Variants in COL11A1 observed in about 807,000 individuals in gnomAD.
COL11A1 encodes collagen alpha-1(XI) chain.
A neutral mutation model predicts 265.2 loss-of-function variants in COL11A1; 74 were observed. The observed-to-expected ratio is 0.28, with a 90% CI of 0.23 to 0.34. The LOEUF is 0.34. COL11A1 is among the 10% of genes least tolerant of loss of function. The probability of loss-of-function intolerance (pLI) is 1.00; values close to 1 mark genes in which losing one functional copy is unlikely to be tolerated. For synonymous variants in COL11A1, 816 were observed against 727.6 expected, an observed-to-expected ratio of 1.12 and a Z score of -1.96; for missense variants, 2,165 against 2,263.6, an observed-to-expected ratio of 0.96 and a Z score of 0.88.
At chr1:102,977,207 C>T (rs766458621) in intron 35 of COL11A1, among the ~76,000 whole-genome samples, 49 of 151,954 alleles carry the variant, frequency 3.2e-4, no homozygotes, top group Middle Eastern at 3.2e-3. Flanking sequence ...GTGCTCAAGA[C>T]GTGAACTAAA....
chr1:102,987,505 T>C (rs1663693307), intron 30 of COL11A1, 128 bp downstream of exon 30: 1 of 777,842 alleles, frequency 1.3e-6, no homozygotes, highest in Non-Finnish European at 2.2e-6. Context: ...AAATTTAAAA[T>C]GATAATGAAA....
intron 37 of COL11A1, among the ~76,000 whole-genome samples, chr1:102,968,170 C>A (rs372820683): frequency 6.6e-6 from 1 of 152,222 alleles, no homozygotes; most frequent in East Asian, 1.9e-4. Context: ...TAAGACTACA[C>A]TTGCCACTTA....
chr1:102,986,087 T>C (rs917419280), intron 30 of COL11A1, among the ~76,000 whole-genome samples: 7 of 152,040 alleles, frequency 4.6e-5, no homozygotes, highest in Non-Finnish European at 7.4e-5. Context: ...GATAGAACGG[T>C]GGGGGCTTCT....
chr1:102,952,773 C>T (rs1001514459), intron 41 of COL11A1, among the ~76,000 whole-genome samples: 8 of 152,118 alleles, frequency 5.3e-5, no homozygotes, highest in Non-Finnish European at 1.0e-4. Context: ...ATGGTACCTA[C>T]CCATTAAGCA....
chr1:102,958,024 A>T (rs1296028289), intron 41 of COL11A1, among the ~76,000 whole-genome samples: 1 of 152,110 alleles, frequency 6.6e-6, no homozygotes, highest in African/African-American at 2.4e-5. Context: ...TCCTTAATAC[A>T]AATAACCACT....
Position 102,968,623 on chromosome 1 carries a change from C to A in COL11A1, c.2862+1596G>T, listed in dbSNP as rs370211472. Among the ~76,000 whole-genome samples, 45 of 152,204 alleles carry A rather than the reference C, an allele frequency of 3.0e-4. 2 individuals carry two copies. The South Asian group carries it at 9.3e-3, about 32-fold the overall frequency. On this transcript the variant is annotated intron_variant, in intron 37 of 66. Transcript: ENST00000370096. ...GATTGTGACTCCTGTACAAGGTGAT[C>A]CTTTGAATCTGGGTCAGCAGAGAAC...
intron 1 of COL11A1, among the ~76,000 whole-genome samples, chr1:103,104,453 A>AT (rs34562500): frequency 0.035 from 5,378 of 152,144 alleles, 122 homozygotes; most frequent in Middle Eastern, 0.088. Flanking sequence ...AAAAATATTA[A>AT]TTTTTTACCA....
chr1:102,942,829 C>T (rs1324416712), intron 42 of COL11A1, among the ~76,000 whole-genome samples: 1 of 152,040 alleles, frequency 6.6e-6, no homozygotes, highest in African/African-American at 2.4e-5. Flanking sequence ...ATTCTGAACA[C>T]TTCTCACAAC....
At chr1:103,047,693 A>G (rs1172396585) in intron 4 of COL11A1, among the ~76,000 whole-genome samples, 1 of 152,014 alleles carries the variant, frequency 6.6e-6, no homozygotes, top group Non-Finnish European at 1.5e-5. Context: ...GTTTTCAAAG[A>G]GAATGCTTCC....
rs1020551549 is a variant in COL11A1, at chr1:103,003,411, A to G, written c.1945-143T>C. On this transcript the variant is annotated intron_variant, in intron 20 of 66. Coordinates refer to ENST00000370096, the MANE Select transcript of COL11A1 (RefSeq NM_001854.4). ...TATTAACACACTGAAAGTGATGTCC[A>G]TAACATAAATATCTAGTGTTTATAC... 1.0e-5 allele frequency: 9 copies of G among 870,402 alleles called. No individual in the cohort carries two copies. The East Asian group carries it at 1.1e-4, about 10-fold the overall frequency. The allele number at this position is 870,402 out of a possible 1,614,324, so 53.9% of individuals were successfully genotyped here.
chr1:103,101,560 C>G (rs958986758), intron 1 of COL11A1, among the ~76,000 whole-genome samples: 30 of 151,980 alleles, frequency 2.0e-4, no homozygotes, highest in East Asian at 1.9e-4. Context: ...CTACCTCACA[C>G]AGTCTAAGGT....
intron 26 of COL11A1, among the ~76,000 whole-genome samples, chr1:102,996,533 T>G (rs1449463903): frequency 6.6e-6 from 1 of 151,824 alleles, no homozygotes; most frequent in East Asian, 1.9e-4. Context: ...GATAAAATGT[T>G]CTATCAATCA....
intron 31 of COL11A1, among the ~76,000 whole-genome samples, chr1:102,983,937 C>T (rs1035140998): frequency 6.6e-6 from 1 of 152,062 alleles, no homozygotes; most frequent in Non-Finnish European, 1.5e-5. Context: ...ATTCCTTCTC[C>T]TAAAATACTG....
chr1:103,066,693 C>T (rs1051570507), intron 4 of COL11A1, among the ~76,000 whole-genome samples: 5 of 151,740 alleles, frequency 3.3e-5, no homozygotes, highest in East Asian at 1.9e-4. Flanking sequence ...TTTAGCATAA[C>T]ATTTAATGTA....
intron 9 of COL11A1, among the ~76,000 whole-genome samples, chr1:103,019,151 A>G (rs1666793738): frequency 6.6e-6 from 1 of 152,184 alleles, no homozygotes; most frequent in South Asian, 2.1e-4. Flanking sequence ...GAGTACAGAC[A>G]AAACAATCTA....
At chr1:102,994,540 A>G (rs1301001033) in intron 28 of COL11A1, among the ~76,000 whole-genome samples, 1 of 152,124 alleles carries the variant, frequency 6.6e-6, no homozygotes, top group East Asian at 1.9e-4. Flanking sequence ...CAGCCTGCAC[A>G]ACCATAAGCC....
intron 41 of COL11A1, among the ~76,000 whole-genome samples, chr1:102,947,505 C>T (rs371976268): frequency 2.2e-4 from 33 of 151,962 alleles, no homozygotes; most frequent in South Asian, 2.1e-4. Flanking sequence ...AAAGTCTGGA[C>T]GTTTTCCCAA....
intron 5 of COL11A1, among the ~76,000 whole-genome samples, chr1:103,026,716 C>A (rs72683299): frequency 2.2e-3 from 337 of 152,030 alleles, no homozygotes; most frequent in Non-Finnish European, 4.0e-3. Context: ...AAGAGCGCTA[C>A]AGTAATTTCA....
rs760427659 is a variant in COL11A1, at chr1:103,078,800, A to T, written c.346T>A (p.Leu116Ile). 6.2e-7 allele frequency: 1 copy of T among 1,612,704 alleles called. No homozygotes were observed. The highest frequency in any genetic ancestry group is 1.1e-5 in the South Asian group (1 of 91,052). The change falls in exon 3 of 67, where the codon TTA becomes ATA. Residue 116 changes from leucine (L) to isoleucine (I), a missense_variant. Physicochemically the swap from Leu to Ile is conservative, Grantham distance 5. Transcript: ENST00000370096. ...ATACCATGCTCATTATATATAGATAAAAGGAAAGACTGAATTCCTTTTTTT... is the reference window on the plus strand; with the variant it reads ...ATACCATGCTCATTATATATAGATATAAGGAAAGACTGAATTCCTTTTTTT... ...KPKKGIQSFL[L>I]SIYNEHGIQQ...
Sources: gnomAD v4.1 joint callset for allele counts (sites outside exome capture counted in the v4.1 genomes callset) on GRCh38, gnomAD v4.1.1 for gene constraint, MANE v1.5 for transcripts, NCBI Gene and HGNC (gene_info 2026-07-23, HGNC 2026-07-21) for gene names.